KDM4C: variants seen among roughly 807,000 people sequenced by gnomAD.
KDM4C encodes lysine demethylase 4C, also known as lysine-specific demethylase 4C.
A neutral mutation model predicts 129.3 loss-of-function variants in KDM4C; 81 were observed. The ratio of observed to expected loss-of-function variants is 0.63; its 90% CI spans 0.52 to 0.75. KDM4C has a LOEUF of 0.75. Ranked by LOEUF, KDM4C falls within the 30% of genes least tolerant of loss-of-function variation. The probability of loss-of-function intolerance (pLI) is 0.00; values close to 1 mark genes in which losing one functional copy is unlikely to be tolerated. For synonymous variants in KDM4C, 573 were observed against 456.1 expected (o/e 1.26, Z -3.26); for missense variants, 1,457 against 1,304.0 (o/e 1.12, Z -1.81).
At position 6,989,227 on chromosome 9, in the gene KDM4C, G is replaced by A. The variant is rs147228717; in HGVS notation, c.1678-1189G>A. 1.8e-3 allele frequency among the ~76,000 whole-genome samples: 279 copies of A among 152,162 alleles called. 3 individuals are homozygous for A. The highest frequency in any genetic ancestry group is 2.3e-3 in the Non-Finnish European group (154 of 68,006). ...TACAATGGTCTTACACATTTTCTTA[G>A]AATCATGTGTTGGAGTCAGAGGCCA... On this transcript the variant is annotated intron_variant, in intron 11 of 21. Transcript: ENST00000381309.
At chr9:7,009,564 A>G (rs1214583209) in intron 12 of KDM4C, among the ~76,000 whole-genome samples, 2 of 152,188 alleles carry the variant, frequency 1.3e-5, no homozygotes, top group Non-Finnish European at 2.9e-5. Context: ...GGTAGTCAAT[A>G]TAATGATTCC....
chr9:6,813,617 G>A (rs1023799627), intron 3 of KDM4C, among the ~76,000 whole-genome samples: 1 of 151,984 alleles, frequency 6.6e-6, no homozygotes, highest in African/African-American at 2.4e-5. Flanking sequence ...ATTCTCATTT[G>A]TTTCTTTCTT....
rs549077306 is a variant in KDM4C, at chr9:7,003,111, C to T, written c.1787-8587C>T. Among the ~76,000 whole-genome samples, 272 of 152,318 alleles carry T rather than the reference C, an allele frequency of 1.8e-3. 2 individuals carry two copies. Among genetic ancestry groups the T allele is most frequent in the African/African-American group, 6.3e-3 (262 of 41,564 alleles). The stretch of plus-strand genomic sequence containing the variant: ...GAACTCCTGACCTCAAGTGATCCAT[C>T]TGCCTCGCCCTCCCAAAGTGCCAGG... On this transcript the variant is annotated intron_variant, in intron 12 of 21. Transcript: ENST00000381309.
chr9:6,770,528 C>G (rs905274334), intron 1 of KDM4C, among the ~76,000 whole-genome samples: 1 of 150,972 alleles, frequency 6.6e-6, no homozygotes, highest in Non-Finnish European at 1.5e-5. Flanking sequence ...TTCAGTGTCA[C>G]AGATTGCATA....
At chr9:6,771,953 G>C (rs1821934062) in intron 1 of KDM4C, among the ~76,000 whole-genome samples, 1 of 152,112 alleles carries the variant, frequency 6.6e-6, no homozygotes, top group Non-Finnish European at 1.5e-5. Context: ...CCCCATTCCA[G>C]CCCCCCTGAG....
chr9:7,024,798 G>A (rs1434157279), intron 15 of KDM4C, among the ~76,000 whole-genome samples: 1 of 152,124 alleles, frequency 6.6e-6, no homozygotes, highest in African/African-American at 2.4e-5. Context: ...AAACATACGT[G>A]TGCATGTGTC....
chr9:6,892,042 G>T (rs1266480316), intron 7 of KDM4C, among the ~76,000 whole-genome samples: 1 of 152,134 alleles, frequency 6.6e-6, no homozygotes. Context: ...ATCAGAGCTA[G>T]CAGAGAATAC....
At chr9:6,795,328 T>TATA (rs2130902062) in intron 2 of KDM4C, among the ~76,000 whole-genome samples, 1 of 152,200 alleles carries the variant, frequency 6.6e-6, no homozygotes, top group African/African-American at 2.4e-5. Context: ...ATATATATAT[T>TATA]TTTTGTTGTT....
intron 3 of KDM4C, among the ~76,000 whole-genome samples, chr9:6,807,686 C>G (rs1830283996): frequency 6.7e-6 from 1 of 148,220 alleles, no homozygotes; most frequent in Non-Finnish European, 1.5e-5. Flanking sequence ...ATCCGCCCGG[C>G]AGCTGCCCCG....
In KDM4C at chr9:7,024,915, T is replaced by A. The variant is rs143006007; in HGVS notation, c.2259+8986T>A. ...ATCCCTGAGGAATCGCCACACCAAC[T>A]TCCACAGTGGTTGAACTAGTTTACA... On this transcript the variant is annotated intron_variant, in intron 15 of 21. Coordinates refer to ENST00000381309, the MANE Select transcript of KDM4C (RefSeq NM_015061.6). Among the ~76,000 whole-genome samples the A allele has an allele frequency of 8.5e-3, 1,301 of 152,360 alleles. 19 individuals carry two copies. The highest frequency in any genetic ancestry group is 0.029 in the African/African-American group (1,206 of 41,594).
At chr9:7,073,459 A>G (rs977667572) in intron 17 of KDM4C, among the ~76,000 whole-genome samples, 1 of 152,208 alleles carries the variant, frequency 6.6e-6, no homozygotes, top group African/African-American at 2.4e-5. Flanking sequence ...CCCAACTCCC[A>G]TGTTCTCTCC....
chr9:6,913,974 G>C (rs546615219), intron 8 of KDM4C, among the ~76,000 whole-genome samples: 2 of 152,304 alleles, frequency 1.3e-5, no homozygotes, highest in African/African-American at 4.8e-5. Flanking sequence ...TGCACTTTCT[G>C]CGTTTCTTTT....
chr9:7,048,003 C>T (rs1829649533), intron 16 of KDM4C, among the ~76,000 whole-genome samples: 1 of 151,990 alleles, frequency 6.6e-6, no homozygotes, highest in South Asian at 2.1e-4. Context: ...ATCATTATTA[C>T]ATTAATAAAA....
At chr9:7,101,144 C>G (rs550582994) in intron 17 of KDM4C, among the ~76,000 whole-genome samples, 1 of 152,198 alleles carries the variant, frequency 6.6e-6, no homozygotes, top group East Asian at 1.9e-4. Context: ...CTGTTGTCCC[C>G]AGGCATGATT....
chr9:7,087,002 A>G (rs1835198758), intron 17 of KDM4C, among the ~76,000 whole-genome samples: 1 of 152,004 alleles, frequency 6.6e-6, no homozygotes, highest in South Asian at 2.1e-4. Context: ...GGCATGCCAG[A>G]TGCAAAATAC....
At chr9:6,819,987 C>T (rs151101690) in intron 4 of KDM4C, among the ~76,000 whole-genome samples, 1 of 151,654 alleles carries the variant, frequency 6.6e-6, no homozygotes, top group Non-Finnish European at 1.5e-5. Flanking sequence ...TTACCTTAAT[C>T]TTAAAAGAAT....
intron 5 of KDM4C, among the ~76,000 whole-genome samples, chr9:6,862,991 A>G (rs1448242392): frequency 2.0e-5 from 3 of 152,046 alleles, no homozygotes; most frequent in Non-Finnish European, 4.4e-5. Flanking sequence ...TCATTTATTT[A>G]TTTGTTTTCA....
At chr9:7,095,033 A>G (rs1587607528) in intron 17 of KDM4C, among the ~76,000 whole-genome samples, 1 of 152,232 alleles carries the variant, frequency 6.6e-6, no homozygotes, top group Non-Finnish European at 1.5e-5. Flanking sequence ...CCGTTTCCCA[A>G]CCACTCTAAC....
At chr9:6,736,059 C>T (rs767946403) in intron 1 of KDM4C, among the ~76,000 whole-genome samples, 1 of 152,106 alleles carries the variant, frequency 6.6e-6, no homozygotes, top group Non-Finnish European at 1.5e-5. Flanking sequence ...CAGCATTTTA[C>T]CCCTGCCCTA....
Sources: gnomAD v4.1 joint callset for allele counts (sites outside exome capture counted in the v4.1 genomes callset) on GRCh38, gnomAD v4.1.1 for gene constraint, MANE v1.5 for transcripts, NCBI Gene and HGNC (gene_info 2026-07-23, HGNC 2026-07-21) for gene names.